The following ZIM2 variants were observed in gnomAD, a reference collection of about 807,000 sequenced individuals.
ZIM2 encodes the protein zinc finger protein 656.
In ZIM2, 14 loss-of-function variants were observed where a neutral mutation model predicts 38.6. That is an observed-to-expected ratio of 0.36 (90% CI 0.24 to 0.57). The LOEUF (loss-of-function observed/expected upper bound fraction) is 0.57. Among genes scored for constraint, ZIM2 ranks in the 20% least tolerant of loss-of-function variants. The pLI is 0.81. For synonymous variants in ZIM2, 247 were observed against 245.8 expected, an observed-to-expected ratio of 1.00 and a Z score of -0.04; for missense variants, 680 against 695.1, an observed-to-expected ratio of 0.98 and a Z score of 0.24.
intron 7 of ZIM2, among the ~76,000 whole-genome samples, chr19:56,821,119 T>C (rs192215946): frequency 7.7e-4 from 117 of 152,358 alleles, no homozygotes; most frequent in Middle Eastern, 3.4e-3. Flanking sequence ...ACTTTATGTA[T>C]GTGTGTGAGT....
intron 9 of ZIM2, chr19:56,816,853 C>G: frequency 1.2e-6 from 2 of 1,614,150 alleles, no homozygotes; most frequent in Non-Finnish European, 1.7e-6. Context: ...CACAAGATAA[C>G]CTCTAGCATG....
At chr19:56,808,808 G>A (rs575044416) in intron 9 of ZIM2, among the ~76,000 whole-genome samples, 10 of 152,294 alleles carry the variant, frequency 6.6e-5, no homozygotes, top group African/African-American at 2.4e-4. Flanking sequence ...GCACTGGGGT[G>A]GATGAGGCAC....
rs776283822 is a variant in ZIM2, at chr19:56,775,230, G to A, written c.1135C>T (p.Arg379Trp). 7 of 1,613,988 alleles carry A rather than the reference G, an allele frequency of 4.3e-6. No individual in the cohort carries two copies. The South Asian group carries it at 4.4e-5, about 10-fold the overall frequency. The change falls in exon 13 of 13, where the codon CGG (arginine) becomes TGG (tryptophan). Residue 379 changes from arginine (R) to tryptophan (W), a missense_variant. Coordinates refer to ENST00000629319, the MANE Select transcript of ZIM2 (RefSeq NM_001387356.1). ...STQVALRRHE[R>W]IHTGKKPYEC... ...TAGGGTTTCTTCCCAGTATGGATCC[G>A]TTCGTGTCTCCTAAGGGCTACTTGC...
chr19:56,784,100 T>TA (rs562091161), intron 10 of ZIM2, among the ~76,000 whole-genome samples: 3 of 151,938 alleles, frequency 2.0e-5, no homozygotes, highest in African/African-American at 4.8e-5. Flanking sequence ...ACTTTGGCAA[T>TA]AAAAAAAATG....
chr19:56,792,088 T>A, intron 9 of ZIM2, among the ~76,000 whole-genome samples: 1 of 149,908 alleles, frequency 6.7e-6, no homozygotes, highest in East Asian at 2.0e-4. Flanking sequence ...TTACACTGGA[T>A]AAGAAATGTG....
chr19:56,813,201 CA>C (rs35563894), intron 9 of ZIM2: 396,049 of 829,240 alleles, frequency 0.48, 38,362 homozygotes, highest in Admixed American at 0.59. Context: ...CTTCCTCCTC[CA>C]AAAAAAAAAA....
At chr19:56,782,251 CT>C in intron 10 of ZIM2, 130 bp from the exon 11 acceptor site, 1 of 1,239,804 alleles carries the variant, frequency 8.1e-7, no homozygotes, top group Non-Finnish European at 1.1e-6. Flanking sequence ...CTTTCTTTGT[CT>C]TATCGAGTCT....
At chr19:56,835,919 T>C (rs1466577803) in intron 2 of ZIM2, 99 bp downstream of exon 2, 3 of 439,256 alleles carry the variant, frequency 6.8e-6, no homozygotes, top group African/African-American at 6.0e-5. Flanking sequence ...CTGGGGTGGC[T>C]ATGTGGAACA....
intron 2 of ZIM2, among the ~76,000 whole-genome samples, chr19:56,830,121 C>T (rs986290572): frequency 5.3e-5 from 8 of 152,222 alleles, no homozygotes; most frequent in African/African-American, 1.9e-4. Flanking sequence ...CAACAGAGCA[C>T]CTGTATTTAT....
chr19:56,825,411 A>G (rs1568685148), intron 3 of ZIM2, among the ~76,000 whole-genome samples: 1 of 152,244 alleles, frequency 6.6e-6, no homozygotes. Flanking sequence ...ACAAAGGTCT[A>G]ATCTGTCTAA....
chr19:56,832,090 G>C (rs2061622923), intron 2 of ZIM2, among the ~76,000 whole-genome samples: 1 of 152,098 alleles, frequency 6.6e-6, no homozygotes, highest in South Asian at 2.1e-4. Flanking sequence ...AAATCTATCA[G>C]AATAAATGAT....
chr19:56,798,092 A>G (rs1020937503), intron 9 of ZIM2: 2 of 152,208 alleles, frequency 1.3e-5, no homozygotes, highest in Non-Finnish European at 2.9e-5. Context: ...GAAACTGAAG[A>G]AAAAAATGAA....
rs2062914574 is a variant in ZIM2 at position 56,840,635 on chromosome 19, A to ATGGCGCC, written c.-374_-368dup. 1 of 152,798 alleles carries ATGGCGCC rather than the reference A, an allele frequency of 6.5e-6. No homozygotes were observed. The highest frequency in any genetic ancestry group is 1.5e-5 in the Non-Finnish European group (1 of 68,544). The allele number at this position is 152,798 out of a possible 1,614,324, so 9.5% of individuals were successfully genotyped here. A position where few individuals can be genotyped will look rare whatever the true frequency, so the allele number is the denominator to read the frequency against. ...ACGAACAGCCGCCTAGCGCACCCTC[A>ATGGCGCC]TGGCGCCCGGCGCCCGGCGGCGCCA... On this transcript the variant is annotated 5_prime_UTR_variant, in exon 1 of 13. It adds an upstream start codon to the 5' untranslated region. Coordinates refer to ENST00000629319, the MANE Select transcript of ZIM2 (RefSeq NM_001387356.1).
intron 10 of ZIM2, among the ~76,000 whole-genome samples, chr19:56,786,269 ATCC>A (rs754751802): frequency 1.0e-3 from 157 of 152,300 alleles, no homozygotes; most frequent in Non-Finnish European, 9.3e-4. Context: ...TGAAGGCAAT[ATCC>A]TCCTTAAGAA....
At chr19:56,791,612 C>T (rs2046934166) in intron 9 of ZIM2, among the ~76,000 whole-genome samples, 1 of 152,184 alleles carries the variant, frequency 6.6e-6, no homozygotes, top group Non-Finnish European at 1.5e-5. Flanking sequence ...CAATAACTTA[C>T]ATCTGCCTGT....
intron 3 of ZIM2, chr19:56,824,660 C>G: frequency 1.3e-6 from 2 of 1,586,738 alleles, no homozygotes; most frequent in Non-Finnish European, 1.7e-6. Flanking sequence ...CAGCATTTCT[C>G]TAAGTAAAAT....
At position 56,824,264 on chromosome 19, in the gene ZIM2, T is replaced by C. The variant is rs763408719; in HGVS notation, c.14A>G (p.Glu5Gly). 13 of 1,611,524 alleles carry C rather than the reference T, an allele frequency of 8.1e-6. No homozygotes were observed. Among genetic ancestry groups the C allele is most frequent in the Non-Finnish European group, 1.0e-5 (12 of 1,179,502 alleles). MYQP[E>G]DDNNSDVTSD... ...CAACACCCCGTGGAGACTCTCACCT[T>C]CTGGTTGGTACATCTCCTTGTAATT... is the stretch of plus-strand genomic sequence containing the variant. The change falls in exon 4 of 13, where the codon GAA becomes GGA. Residue 5 changes from glutamate (E) to glycine (G), a missense_variant and splice_region_variant. By Grantham distance (98) the Glu-to-Gly change is moderately conservative. Coordinates refer to ENST00000629319, the MANE Select transcript of ZIM2 (RefSeq NM_001387356.1).
intron 2 of ZIM2, among the ~76,000 whole-genome samples, chr19:56,830,633 T>G (rs1463368180): frequency 6.6e-6 from 1 of 152,232 alleles, no homozygotes; most frequent in Non-Finnish European, 1.5e-5. Context: ...GGGCAAGCAT[T>G]ATTTTGAACT....
chr19:56,812,370 G>T, intron 9 of ZIM2: 1 of 984,780 alleles, frequency 1.0e-6, no homozygotes, highest in Non-Finnish European at 1.2e-6. Flanking sequence ...ACAAATTAAG[G>T]CTGCTGGGGA....
Sources: gnomAD v4.1 joint callset for allele counts (sites outside exome capture counted in the v4.1 genomes callset) on GRCh38, gnomAD v4.1.1 for gene constraint, MANE v1.5 for transcripts, NCBI Gene and HGNC (gene_info 2026-07-23, HGNC 2026-07-21) for gene names.